RBFOX1: variants seen among roughly 807,000 people sequenced by gnomAD.
RBFOX1 encodes RNA binding fox-1 homolog 1, also known as RNA binding protein fox-1 homolog 1.
A neutral mutation model predicts 57.7 loss-of-function variants in RBFOX1; 8 were observed. That is an observed-to-expected ratio of 0.14 (90% confidence interval 0.08 to 0.25). The LOEUF (loss-of-function observed/expected upper bound fraction) is 0.25. Ranked by LOEUF, RBFOX1 falls within the 10% of genes least tolerant of loss-of-function variation. The probability of loss-of-function intolerance (pLI) is 1.00; values close to 1 mark genes in which losing one functional copy is unlikely to be tolerated. For synonymous variants in RBFOX1, 326 were observed against 222.4 expected (o/e 1.47, Z -4.15); for missense variants, 611 against 548.5 (o/e 1.11, Z -1.14).
chr16:7,607,370 C>G, intron 10 of RBFOX1, 32 bp downstream of exon 10: 1 of 1,597,202 alleles, frequency 6.3e-7, no homozygotes, highest in Non-Finnish European at 8.5e-7. Context: ...GAAGTCTTCT[C>G]AGTCTTTTCT....
chr16:6,961,723 T>C (rs978265451), intron 3 of RBFOX1, among the ~76,000 whole-genome samples: 5 of 152,152 alleles, frequency 3.3e-5, no homozygotes, highest in African/African-American at 1.2e-4. Flanking sequence ...CTTTAGACCA[T>C]ATAGGGTAGC....
At chr16:6,741,212 A>G (rs184954636) in intron 3 of RBFOX1, among the ~76,000 whole-genome samples, 3 of 152,322 alleles carry the variant, frequency 2.0e-5, no homozygotes, top group Admixed American at 1.3e-4. Flanking sequence ...TAAACTTCAC[A>G]TCTCATAAAA....
At chr16:7,057,045 G>T (rs1442887587) in intron 4 of RBFOX1, among the ~76,000 whole-genome samples, 2 of 142,630 alleles carry the variant, frequency 1.4e-5, no homozygotes, top group South Asian at 4.4e-4. Context: ...AAAAAAAAAT[G>T]CAGGCCTGAT....
intron 2 of RBFOX1, among the ~76,000 whole-genome samples, chr16:6,542,516 G>A (rs1229574308): frequency 3.4e-5 from 1 of 29,646 alleles, no homozygotes; most frequent in Non-Finnish European, 7.8e-5. Flanking sequence ...TTGAGCAGGA[G>A]TCTTGCTCTG....
intron 3 of RBFOX1, among the ~76,000 whole-genome samples, chr16:6,755,684 A>G (rs1400162290): frequency 6.6e-6 from 1 of 152,222 alleles, no homozygotes; most frequent in Non-Finnish European, 1.5e-5. Flanking sequence ...TGCTATAAAT[A>G]TAATACTAGA....
intron 4 of RBFOX1, among the ~76,000 whole-genome samples, chr16:7,464,192 ATG>A (rs2060075407): frequency 1.3e-5 from 2 of 152,162 alleles, no homozygotes. Context: ...ACTCCAAGAC[ATG>A]TGTTTTGCTC....
At chr16:7,046,016 T>A (rs1056954349) in intron 3 of RBFOX1, among the ~76,000 whole-genome samples, 3 of 152,182 alleles carry the variant, frequency 2.0e-5, no homozygotes, top group Non-Finnish European at 2.9e-5. Flanking sequence ...TATACATTTT[T>A]AAAAACACTT....
chr16:7,014,256 G>A (rs1312909645), intron 3 of RBFOX1, among the ~76,000 whole-genome samples: 1 of 152,044 alleles, frequency 6.6e-6, no homozygotes, highest in Non-Finnish European at 1.5e-5. Flanking sequence ...TGTCGCCCAG[G>A]CTGGAGTGTG....
chr16:5,829,480 TG>T (rs1447202612), intron 3 of RBFOX1, among the ~76,000 whole-genome samples: 2 of 152,138 alleles, frequency 1.3e-5, no homozygotes, highest in African/African-American at 4.8e-5. Flanking sequence ...AAGTGTCATT[TG>T]GGGGAGGAGG....
chr16:5,899,010 C>A (rs2058237986), intron 4 of RBFOX1, among the ~76,000 whole-genome samples: 1 of 151,508 alleles, frequency 6.6e-6, no homozygotes, highest in African/African-American at 2.4e-5. Context: ...CTGCAGTGAG[C>A]CTTGGTTTGC....
In RBFOX1 at chr16:7,334,423, G is replaced by A. The variant is rs2096748533; in HGVS notation, c.28-183724G>A. Among the ~76,000 whole-genome samples the A allele has an allele frequency of 2.6e-5, 4 of 152,144 alleles. No individual in the cohort carries two copies. The South Asian group carries it at 8.3e-4, about 32-fold the overall frequency. ...TTAGAAAGTTAACAGGCCTGTTGCT[G>A]CTACTGGAAACGTGGGGTGAAGGTC... On this transcript the variant is annotated intron_variant, in intron 4 of 15. Coordinates refer to ENST00000550418, the MANE Select transcript of RBFOX1 (RefSeq NM_018723.4).
chr16:5,687,573 C>T (rs2050543224), intron 3 of RBFOX1, among the ~76,000 whole-genome samples: 1 of 152,160 alleles, frequency 6.6e-6, no homozygotes, highest in Non-Finnish European at 1.5e-5. Flanking sequence ...CTTAAAGTTT[C>T]AGACTAAGTC....
At chr16:6,092,610 T>C (rs2096191440) in intron 1 of RBFOX1, 1 of 152,252 alleles carries the variant, frequency 6.6e-6, no homozygotes, top group Admixed American at 6.5e-5. Flanking sequence ...TGCATATGGC[T>C]AGTCAGTTAT....
chr16:7,267,295 G>A (rs1042170169), intron 4 of RBFOX1, among the ~76,000 whole-genome samples: 1 of 152,082 alleles, frequency 6.6e-6, no homozygotes, highest in African/African-American at 2.4e-5. Context: ...AGCACTTTCG[G>A]AGGCCAAAGG....
At chr16:6,712,668 A>G (rs1372557405) in intron 3 of RBFOX1, among the ~76,000 whole-genome samples, 1 of 152,134 alleles carries the variant, frequency 6.6e-6, no homozygotes, top group East Asian at 1.9e-4. Context: ...TCTGATAGGC[A>G]TGGCAGCCAA....
At chr16:7,209,194 G>C (rs1299618447) in intron 4 of RBFOX1, among the ~76,000 whole-genome samples, 1 of 150,384 alleles carries the variant, frequency 6.6e-6, no homozygotes, top group South Asian at 2.1e-4. Flanking sequence ...TAATTGCAGG[G>C]TGTGGCAGTG....
intron 2 of RBFOX1, among the ~76,000 whole-genome samples, chr16:6,403,140 C>T (rs549357850): frequency 6.6e-6 from 1 of 151,544 alleles, no homozygotes; most frequent in Non-Finnish European, 1.5e-5. Flanking sequence ...GGGTGCTGAA[C>T]CAGCAGCATG....
chr16:5,317,217 C>T (rs1485862208), intron 1 of RBFOX1, among the ~76,000 whole-genome samples: 2 of 152,190 alleles, frequency 1.3e-5, no homozygotes, highest in African/African-American at 2.4e-5. Context: ...CTCTCTCAAT[C>T]TCTCGATATA....
chr16:6,526,829 CAAAAAAAAAAAAAAAAAAAAAAAAA>C (rs541468859), intron 2 of RBFOX1, among the ~76,000 whole-genome samples: 1 of 32,896 alleles, frequency 3.0e-5, no homozygotes, highest in African/African-American at 1.1e-4. Context: ...GACTCTGTCT[CAAAAAAAAAAAAAAAAAAAAAAAAA>C]AAAAACAACC....
Sources: gnomAD v4.1 joint callset for allele counts (sites outside exome capture counted in the v4.1 genomes callset) on GRCh38, gnomAD v4.1.1 for gene constraint, MANE v1.5 for transcripts, NCBI Gene and HGNC (gene_info 2026-07-23, HGNC 2026-07-21) for gene names.